FAM193A: variants seen among roughly 807,000 people sequenced by gnomAD.
FAM193A encodes the protein family with sequence similarity 193 member A, also known as protein FAM193A.
Under a neutral mutation model 126.5 loss-of-function variants are expected in FAM193A, and 22 were observed. That is an observed-to-expected ratio of 0.17 (90% CI 0.12 to 0.25). FAM193A has a LOEUF of 0.25. Ranked by LOEUF, FAM193A falls within the 10% of genes least tolerant of loss-of-function variation. The pLI is 1.00. For synonymous variants in FAM193A, 761 were observed against 646.8 expected (o/e 1.18, Z -2.68); for missense variants, 1,675 against 1,672.8 (o/e 1.00, Z -0.02).
chr4:2,592,339 C>T (rs1006033020), intron 1 of FAM193A, among the ~76,000 whole-genome samples: 24 of 152,154 alleles, frequency 1.6e-4, no homozygotes, highest in African/African-American at 4.3e-4. Flanking sequence ...CTGCCTGCCT[C>T]GGCCTCACAG....
At chr4:2,568,796 G>T (rs1739116555) in intron 1 of FAM193A, among the ~76,000 whole-genome samples, 1 of 152,078 alleles carries the variant, frequency 6.6e-6, no homozygotes, top group Non-Finnish European at 1.5e-5. Context: ...CAACACAGTT[G>T]ATTAGAAATT....
chr4:2,695,806 T>C (rs1716967830), intron 17 of FAM193A, among the ~76,000 whole-genome samples: 1 of 152,206 alleles, frequency 6.6e-6, no homozygotes, highest in Non-Finnish European at 1.5e-5. Flanking sequence ...TAGTGGCTTA[T>C]GCCTGTAATA....
intron 15 of FAM193A, among the ~76,000 whole-genome samples, chr4:2,691,176 C>T (rs928618296): frequency 6.6e-6 from 1 of 152,242 alleles, no homozygotes; most frequent in Non-Finnish European, 1.5e-5. Context: ...CTAGATTCCT[C>T]TGGGGCTTCG....
Position 2,656,712 on chromosome 4 carries a change from G to A in FAM193A, c.1312-1091G>A, listed in dbSNP as rs1577149210. ...CACCAGAGCTGCCAGGTTGTCAAGAGAAGCCAGAAATCTGGATTATTAGGT... is the reference window on the plus strand; with the variant it reads ...CACCAGAGCTGCCAGGTTGTCAAGAAAAGCCAGAAATCTGGATTATTAGGT... On this transcript the variant is annotated intron_variant, in intron 7 of 20. Coordinates refer to ENST00000637812, the MANE Select transcript of FAM193A (RefSeq NM_001366318.2). Among the ~76,000 whole-genome samples, 3 of 152,344 alleles carry A rather than the reference G, an allele frequency of 2.0e-5. No homozygotes were observed. In the South Asian group the frequency reaches 6.2e-4, roughly 32 times the overall value.
intron 1 of FAM193A, among the ~76,000 whole-genome samples, chr4:2,548,746 C>T (rs1236601660): frequency 6.6e-6 from 1 of 151,298 alleles, no homozygotes; most frequent in African/African-American, 2.4e-5. Context: ...TGTGAGCCAC[C>T]GGACCCAACC....
At chr4:2,623,801 T>A (rs1421929823) in intron 2 of FAM193A, among the ~76,000 whole-genome samples, 1 of 151,950 alleles carries the variant, frequency 6.6e-6, no homozygotes, top group Non-Finnish European at 1.5e-5. Context: ...GGGACCAGAG[T>A]GGGAATAGTG....
chr4:2,544,772 G>A (rs765750964), intron 1 of FAM193A, among the ~76,000 whole-genome samples: 4 of 152,056 alleles, frequency 2.6e-5, no homozygotes, highest in South Asian at 4.1e-4. Flanking sequence ...AGGAGGCTCA[G>A]GCTAGAGAAT....
chr4:2,546,147 CAA>C (rs1208023730), intron 1 of FAM193A, among the ~76,000 whole-genome samples: 1 of 138,872 alleles, frequency 7.2e-6, no homozygotes, highest in Non-Finnish European at 1.5e-5. Flanking sequence ...GACTCCGCCT[CAA>C]AAAAAAAAAA....
intron 5 of FAM193A, among the ~76,000 whole-genome samples, chr4:2,638,259 A>AACACCTGGTCTCCTGCCACGT (rs1744282342): frequency 6.6e-6 from 1 of 152,162 alleles, no homozygotes; most frequent in Non-Finnish European, 1.5e-5. Flanking sequence ...ACTCCTGGAG[A>AACACCTGGTCTCCTGCCACGT]GCAGCGGACT....
intron 1 of FAM193A, among the ~76,000 whole-genome samples, chr4:2,547,261 A>G (rs548614631): frequency 2.0e-5 from 3 of 152,040 alleles, no homozygotes; most frequent in South Asian, 2.1e-4. Context: ...GGTGGCACAC[A>G]CCTGTAATTC....
intron 4 of FAM193A, among the ~76,000 whole-genome samples, chr4:2,627,059 C>T (rs900766007): frequency 9.9e-5 from 15 of 152,002 alleles, no homozygotes; most frequent in Non-Finnish European, 1.5e-5. Flanking sequence ...GGCTGTTTCT[C>T]ATGATGCCGC....
At position 2,644,251 on chromosome 4, in the gene FAM193A, A is replaced by G. The variant is rs140052363; in HGVS notation, c.1164-2434A>G. Reference sequence around the variant, plus strand: ...ACCCACTTTGCTCTCCCTTGGCTCAAAATAATCTGAATTCTATAACTTGGA... The same window carrying G: ...ACCCACTTTGCTCTCCCTTGGCTCAGAATAATCTGAATTCTATAACTTGGA... On this transcript the variant is annotated intron_variant, in intron 6 of 20. Transcript: ENST00000637812. Among the ~76,000 whole-genome samples the G allele has an allele frequency of 7.6e-4, 115 of 152,314 alleles. 3 individuals are homozygous for G. The East Asian group carries it at 0.018, about 24-fold the overall frequency.
At chr4:2,663,431 A>T (rs914964858) in intron 12 of FAM193A, 143 bp downstream of exon 12, 2 of 609,232 alleles carry the variant, frequency 3.3e-6, no homozygotes, top group East Asian at 6.2e-5. Context: ...CATACTTACA[A>T]TCTCCATTTG....
intron 1 of FAM193A, among the ~76,000 whole-genome samples, chr4:2,590,489 AAAAAAACAAAAAAAAAC>A (rs1740489237): frequency 3.3e-5 from 3 of 90,656 alleles, no homozygotes; most frequent in Admixed American, 9.2e-5. Flanking sequence ...AAAAAAACAA[AAAAAAACAAAAAAAAAC>A]AAAAAAAAAA....
At chr4:2,553,572 G>T (rs187370824) in intron 1 of FAM193A, among the ~76,000 whole-genome samples, 6 of 151,830 alleles carry the variant, frequency 4.0e-5, no homozygotes, top group African/African-American at 1.2e-4. Context: ...GTAGAGATGG[G>T]GTTTCCCCAT....
intron 12 of FAM193A, 31 bp from the exon 13 acceptor site, chr4:2,672,090 A>G (rs1713862559): frequency 5.6e-6 from 9 of 1,606,106 alleles, no homozygotes; most frequent in Non-Finnish European, 7.7e-6. Flanking sequence ...TTGTTTCACT[A>G]AATAGGTATG....
At chr4:2,678,258 A>G (rs967674390) in intron 13 of FAM193A, among the ~76,000 whole-genome samples, 1 of 151,948 alleles carries the variant, frequency 6.6e-6, no homozygotes, top group African/African-American at 2.4e-5. Context: ...TGGTGGGATT[A>G]CAGGCGTGAG....
At chr4:2,626,975 C>G (rs926544200) in intron 4 of FAM193A, among the ~76,000 whole-genome samples, 1 of 151,980 alleles carries the variant, frequency 6.6e-6, no homozygotes, top group Admixed American at 6.6e-5. Context: ...AATGGGGGCT[C>G]TGTGAGGTTG....
chr4:2,551,788 T>A (rs561563517), intron 1 of FAM193A, among the ~76,000 whole-genome samples: 10 of 152,032 alleles, frequency 6.6e-5, no homozygotes, highest in Admixed American at 1.3e-4. Flanking sequence ...TTTTTTTTTT[T>A]AAACACTTTG....
Sources: allele counts gnomAD v4.1 joint callset (sites outside exome capture counted in the v4.1 genomes callset), GRCh38; gene constraint gnomAD v4.1.1; transcripts MANE v1.5; gene names NCBI Gene and HGNC (gene_info 2026-07-23, HGNC 2026-07-21).